Variants in PPP2R2B observed in about 807,000 individuals in gnomAD.
PPP2R2B encodes serine/threonine-protein phosphatase 2A 55 kDa regulatory subunit B beta isoform.
Under a neutral mutation model 46.0 loss-of-function variants are expected in PPP2R2B, and 5 were observed. The observed-to-expected ratio is 0.11, with a 90% CI of 0.06 to 0.23. The LOEUF is 0.23. PPP2R2B is among the 10% of genes least tolerant of loss of function. The probability of loss-of-function intolerance (pLI) is 1.00; values close to 1 mark genes in which losing one functional copy is unlikely to be tolerated. For synonymous variants in PPP2R2B, 215 were observed against 206.7 expected, an observed-to-expected ratio of 1.04 and a Z score of -0.34; for missense variants, 367 against 575.0, an observed-to-expected ratio of 0.64 and a Z score of 3.70.
intron 2 of PPP2R2B, among the ~76,000 whole-genome samples, chr5:146,827,266 A>T (rs534693783): frequency 1.3e-5 from 2 of 152,206 alleles, no homozygotes; most frequent in Admixed American, 6.6e-5. Context: ...TCCTAAGTGA[A>T]TTTATTTTAT....
chr5:146,682,035 C>A (rs138951400), intron 5 of PPP2R2B, among the ~76,000 whole-genome samples: 132 of 152,288 alleles, frequency 8.7e-4, no homozygotes, highest in African/African-American at 3.0e-3. Context: ...GCCATGGACA[C>A]CTTCCAAAGG....
At position 147,003,698 on chromosome 5, in the gene PPP2R2B, T is replaced by A. The variant is rs1472914929; in HGVS notation, c.79+51967A>T. On this transcript the variant is annotated intron_variant, in intron 1 of 8. Transcript: ENST00000336640. ...ATCCCCACTGGGACCTCGACTCAGA[T>A]CATGGGGACTGGAGTTGCAAACATT... Among the ~76,000 whole-genome samples the A allele has an allele frequency of 4.6e-5, 7 of 152,172 alleles. No homozygotes were observed. The East Asian group carries it at 1.4e-3, about 29-fold the overall frequency.
In PPP2R2B at chr5:146,585,062, A is replaced by G. The variant is rs568205594; in HGVS notation, c.*4885T>C. ...ATTGTAAAAATGTTTACAGTATGCA[A>G]ATATGCACTTTCTCCTATGTGAGTG... On this transcript the variant is annotated 3_prime_UTR_variant, in exon 10 of 10. Transcript: ENST00000394411. The G allele has an allele frequency of 6.6e-6, 1 of 152,294 alleles. No homozygotes were observed. Among genetic ancestry groups the G allele is most frequent in the South Asian group, 2.1e-4 (1 of 4,828 alleles). 9.4% of individuals were successfully genotyped at this position (152,294 alleles called of 1,614,324 possible). A position where few individuals can be genotyped will look rare whatever the true frequency, so the allele number is the denominator to read the frequency against.
intron 1 of PPP2R2B, among the ~76,000 whole-genome samples, chr5:146,896,379 T>A (rs1203468408): frequency 6.6e-6 from 1 of 152,206 alleles, no homozygotes; most frequent in East Asian, 1.9e-4. Context: ...AAGTAGAACA[T>A]GACTGATGTG....
intron 5 of PPP2R2B, among the ~76,000 whole-genome samples, chr5:146,674,744 C>T (rs914231822): frequency 6.6e-6 from 1 of 152,182 alleles, no homozygotes; most frequent in African/African-American, 2.4e-5. Flanking sequence ...AACTCCCTCT[C>T]AAAAGTTCTG....
chr5:146,717,502 T>C (rs1474534506), intron 2 of PPP2R2B, among the ~76,000 whole-genome samples: 1 of 152,176 alleles, frequency 6.6e-6, no homozygotes, highest in Non-Finnish European at 1.5e-5. Flanking sequence ...GAATAAAAAA[T>C]GATATGTCAG....
intron 1 of PPP2R2B, among the ~76,000 whole-genome samples, chr5:146,887,350 G>A (rs143139744): frequency 1.2e-3 from 175 of 152,162 alleles, no homozygotes; most frequent in African/African-American, 4.0e-3. Context: ...TGCAAAAAGA[G>A]TTTTAATGTG....
intron 1 of PPP2R2B, among the ~76,000 whole-genome samples, chr5:146,968,023 A>C (rs1281058799): frequency 2.0e-5 from 3 of 152,226 alleles, no homozygotes; most frequent in Admixed American, 2.0e-4. Context: ...CCATGAATCT[A>C]GAACAATCTT....
chr5:146,761,631 A>T (rs182742747), intron 2 of PPP2R2B, among the ~76,000 whole-genome samples: 56 of 144,738 alleles, frequency 3.9e-4, no homozygotes, highest in East Asian at 1.4e-3. Flanking sequence ...AATAAAATTT[A>T]AAAAAAAAAA....
At chr5:147,004,530 C>A (rs949965673) in intron 1 of PPP2R2B, among the ~76,000 whole-genome samples, 4 of 152,218 alleles carry the variant, frequency 2.6e-5, no homozygotes, top group African/African-American at 7.2e-5. Context: ...AGCCTATAAC[C>A]AGGTATTTCT....
chr5:147,028,674 G>GT (rs1172804822), intron 1 of PPP2R2B, among the ~76,000 whole-genome samples: 1 of 152,110 alleles, frequency 6.6e-6, no homozygotes, highest in East Asian at 1.9e-4. Context: ...GTGAATATAT[G>GT]TATGTGTTTC....
At chr5:146,872,051 C>T (rs943194407) in intron 2 of PPP2R2B, among the ~76,000 whole-genome samples, 4 of 152,132 alleles carry the variant, frequency 2.6e-5, no homozygotes, top group Admixed American at 6.5e-5. Context: ...TAAATGCAAA[C>T]GCCAAAGTCT....
intron 1 of PPP2R2B, among the ~76,000 whole-genome samples, chr5:146,908,202 C>G (rs74940539): frequency 6.6e-6 from 1 of 152,148 alleles, no homozygotes; most frequent in African/African-American, 2.4e-5. Context: ...CTGTGATACA[C>G]CATGCAAAAT....
chr5:147,049,305 T>C (rs1756688303), intron 1 of PPP2R2B, among the ~76,000 whole-genome samples: 1 of 152,154 alleles, frequency 6.6e-6, no homozygotes. Context: ...TCCAATGTTT[T>C]TGTCGAGTCT....
chr5:146,814,641 A>G (rs1252858076), intron 2 of PPP2R2B, among the ~76,000 whole-genome samples: 3 of 152,196 alleles, frequency 2.0e-5, no homozygotes, highest in African/African-American at 7.2e-5. Flanking sequence ...CCTCTGGAAC[A>G]CTGGATTGGT....
intron 2 of PPP2R2B, among the ~76,000 whole-genome samples, chr5:147,079,445 C>CAT (rs58393815): frequency 0.027 from 3,523 of 132,116 alleles, 87 homozygotes; most frequent in East Asian, 0.064. Context: ...TATATATATA[C>CAT]ATATATATAT....
chr5:146,601,945 T>C (rs543389905), intron 7 of PPP2R2B, among the ~76,000 whole-genome samples: 24 of 152,336 alleles, frequency 1.6e-4, no homozygotes, highest in Middle Eastern at 3.4e-3. Flanking sequence ...AGTATGTTAT[T>C]GGAGCCCATC....
At position 146,586,458 on chromosome 5, in the gene PPP2R2B, G is replaced by C. The variant is rs1349065374; in HGVS notation, c.*3489C>G. On this transcript the variant is annotated 3_prime_UTR_variant, in exon 10 of 10. Coordinates refer to ENST00000394411, the MANE Select transcript of PPP2R2B (RefSeq NM_181675.4). ...GAAGCTTTAGGCAGTTGCTCTGTAG[G>C]CTTGAAGGGAGGGAAATTATGGCTT... 1.3e-5 allele frequency: 2 copies of C among 152,162 alleles called. No homozygotes were observed. The highest frequency in any genetic ancestry group is 4.8e-5 in the African/African-American group (2 of 41,430). 9.4% of individuals were successfully genotyped at this position (152,162 alleles called of 1,614,324 possible).
At position 146,650,737 on chromosome 5, in the gene PPP2R2B, A is replaced by T; in HGVS notation, c.448-13T>A. On this transcript the variant is annotated splice_polypyrimidine_tract_variant and intron_variant, in intron 5 of 9. Coordinates refer to ENST00000394411, the MANE Select transcript of PPP2R2B (RefSeq NM_181675.4). ...TCAGGACAGGCACCTGGGATGCAAG[A>T]GAAACAAATCACTTCAGAACCAAAG... 2 of 1,610,448 alleles carry T rather than the reference A, an allele frequency of 1.2e-6. No individual in the cohort carries two copies. The highest frequency in any genetic ancestry group is 4.5e-5 in the East Asian group (2 of 44,776).
Sources: gnomAD v4.1 joint callset for allele counts (sites outside exome capture counted in the v4.1 genomes callset) on GRCh38, gnomAD v4.1.1 for gene constraint, MANE v1.5 for transcripts, NCBI Gene and HGNC (gene_info 2026-07-23, HGNC 2026-07-21) for gene names.